ST14: variants seen among roughly 807,000 people sequenced by gnomAD.
The protein encoded by ST14 is suppressor of tumorigenicity 14 protein.
ST14 carries 40 observed loss-of-function variants against 96.5 expected under a neutral mutation model. The ratio of observed to expected loss-of-function variants is 0.41; its 90% CI spans 0.32 to 0.54. The LOEUF is 0.54. Ranked by LOEUF, ST14 falls within the 20% of genes least tolerant of loss-of-function variation. ST14 has a pLI of 0.17. For synonymous variants in ST14, 506 were observed against 492.1 expected, an observed-to-expected ratio of 1.03 and a Z score of -0.37; for missense variants, 1,066 against 1,188.9, an observed-to-expected ratio of 0.90 and a Z score of 1.52.
intron 7 of ST14, 138 bp downstream of exon 7, chr11:130,190,832 C>T (rs1483256387): frequency 1.2e-5 from 14 of 1,174,954 alleles, no homozygotes; most frequent in East Asian, 1.0e-4. Context: ...GCAGGAGGCA[C>T]GTGTGGTGTG....
At chr11:130,205,977 G>A (rs1190820660) in intron 16 of ST14, among the ~76,000 whole-genome samples, 2 of 152,092 alleles carry the variant, frequency 1.3e-5, no homozygotes, top group African/African-American at 4.8e-5. Context: ...GATTACAGGC[G>A]TGAGCCACCA....
intron 1 of ST14, among the ~76,000 whole-genome samples, chr11:130,161,887 G>A (rs1953001372): frequency 6.6e-6 from 1 of 152,196 alleles, no homozygotes; most frequent in African/African-American, 2.4e-5. Context: ...ACTAAGAGAC[G>A]AATGCCAAAG....
At chr11:130,209,371 G>C (rs1207070200) in intron 17 of ST14, 71 bp from the exon 18 acceptor site, 1 of 1,543,580 alleles carries the variant, frequency 6.5e-7, no homozygotes, top group African/African-American at 1.4e-5. Context: ...CCAATGACCC[G>C]TGGGGAGCGT....
Position 130,188,679 on chromosome 11 carries a change from T to G in ST14, c.369+22T>G. The G allele has an allele frequency of 6.2e-7, 1 of 1,613,918 alleles. No homozygotes were observed. Among genetic ancestry groups the G allele is most frequent in the Non-Finnish European group, 8.5e-7 (1 of 1,179,976 alleles). Reference sequence around the variant, plus strand: ...CGCGGTGAGTGCAGCCTGCCCAGAGTCCTGCTGGGCTGTGTGCGCTGGTGT... The same window carrying G: ...CGCGGTGAGTGCAGCCTGCCCAGAGGCCTGCTGGGCTGTGTGCGCTGGTGT... On this transcript the variant is annotated intron_variant, in intron 3 of 18. Coordinates refer to ENST00000278742, the MANE Select transcript of ST14 (RefSeq NM_021978.4). The surrounding 1 kb of genome is among the most constrained non-coding windows in gnomAD (Gnocchi z 5.4).
chr11:130,190,662 C>A lies in ST14; in HGVS notation c.843C>A (p.Thr281=). Residue 281 remains threonine, a synonymous_variant, in exon 7 of 19, where the codon ACC becomes ACA. Coordinates refer to ENST00000278742, the MANE Select transcript of ST14 (RefSeq NM_021978.4). ...GCGACCTGGTGACGGTGTACAACAC[C>A]CTGAGCCCCATGGAGCCCCACGCCC... The part of the protein sequence containing the change: ...RGSDLVTVYN[T]LSPMEPHALV... The A allele has an allele frequency of 6.2e-7, 1 of 1,601,636 alleles. No homozygotes were observed. The highest frequency in any genetic ancestry group is 1.3e-5 in the African/African-American group (1 of 74,738).
Position 130,198,991 on chromosome 11 carries a change from G to A in ST14, c.1729G>A (p.Gly577Arg), listed in dbSNP as rs115956340. 7.3e-4 allele frequency: 1,184 copies of A among 1,614,098 alleles called. 16 individuals are homozygous for A. In the African/African-American group the frequency reaches 0.014, roughly 20 times the overall value. Residue 577 changes from glycine (G) to arginine (R), a missense_variant, in exon 15 of 19, where the codon GGG becomes AGG. Physicochemically the swap from Gly to Arg is moderately radical, Grantham distance 125. Coordinates refer to ENST00000278742, the MANE Select transcript of ST14 (RefSeq NM_021978.4). ...CAAACACACCTACCGCTGCCTCAAT[G>A]GGCTCTGCTTGAGCAAGGGCAACCC... is the stretch of plus-strand genomic sequence containing the variant. ...CTKHTYRCLN[G>R]LCLSKGNPEC...
chr11:130,190,308 C>A, intron 6 of ST14, 146 bp from the exon 7 acceptor site: 1 of 1,486,598 alleles, frequency 6.7e-7, no homozygotes, highest in Non-Finnish European at 9.2e-7. Context: ...TGAGAAGCCC[C>A]CTTCCTGATT....
intron 1 of ST14, among the ~76,000 whole-genome samples, chr11:130,174,388 TC>T (rs1953118216): frequency 6.6e-6 from 1 of 152,074 alleles, no homozygotes; most frequent in South Asian, 2.1e-4. Flanking sequence ...GGAAAATTTA[TC>T]AAAAACCCAG....
rs760258734 is a variant in ST14, at chr11:130,190,503, C to T, written c.684C>T (p.Phe228=). The change falls in exon 7 of 19, where the codon TTC becomes TTT. Residue 228 remains phenylalanine, a synonymous_variant. Transcript: ENST00000278742. ...CCCGCGGTGTGGAGCTGATGCGCTT[C>T]ACCACGCCCGGCTTCCCTGACAGCC... ...LHARGVELMR[F]TTPGFPDSPY... 6.2e-7 allele frequency: 1 copy of T among 1,609,222 alleles called. No homozygotes were observed. Among genetic ancestry groups the T allele is most frequent in the Non-Finnish European group, 8.5e-7 (1 of 1,179,880 alleles).
chr11:130,194,018 C>A, intron 7 of ST14, 131 bp from the exon 8 acceptor site: 1 of 1,174,664 alleles, frequency 8.5e-7, no homozygotes, highest in Non-Finnish European at 1.3e-6. Flanking sequence ...TGACTCCATT[C>A]TTGGCCTCTG....
intron 16 of ST14, among the ~76,000 whole-genome samples, chr11:130,201,999 C>A (rs1953433876): frequency 6.6e-6 from 1 of 152,198 alleles, no homozygotes; most frequent in South Asian, 2.1e-4. Context: ...TATGTTTCCC[C>A]AGCCCAGCCC....
chr11:130,209,385 G>A, intron 17 of ST14, 57 bp from the exon 18 acceptor site: 2 of 1,551,132 alleles, frequency 1.3e-6, no homozygotes, highest in Non-Finnish European at 1.7e-6. Flanking sequence ...GGAGCGTCTC[G>A]AATGACGCTG....
intron 1 of ST14, among the ~76,000 whole-genome samples, chr11:130,166,255 C>T (rs918597967): frequency 6.6e-6 from 1 of 152,218 alleles, no homozygotes; most frequent in Non-Finnish European, 1.5e-5. Context: ...CGCCTCTTTC[C>T]CCTCCTTGCT....
intron 1 of ST14, among the ~76,000 whole-genome samples, chr11:130,169,342 G>T (rs1184285889): frequency 1.3e-5 from 2 of 152,112 alleles, no homozygotes; most frequent in Non-Finnish European, 2.9e-5. Context: ...TGATCCACCC[G>T]CCTTGGCCTT....
chr11:130,188,846 C>T lies in ST14; in HGVS notation c.370-23C>T, dbSNP rs1953265539. The T allele has an allele frequency of 1.2e-6, 2 of 1,611,454 alleles. No individual in the cohort carries two copies. The highest frequency in any genetic ancestry group is 1.1e-5 in the South Asian group (1 of 90,544). ...AGGGTCATCGCCGCATGGGGCTCAC[C>T]TTGAGTCTCTGCCCTTCCTCAGCTG... is the stretch of plus-strand genomic sequence containing the variant. On this transcript the variant is annotated intron_variant, in intron 3 of 18. Coordinates refer to ENST00000278742, the MANE Select transcript of ST14 (RefSeq NM_021978.4). The surrounding 1 kb of genome is among the most constrained non-coding windows in gnomAD (Gnocchi z 5.4).
intron 4 of ST14, 167 bp from the exon 5 acceptor site, chr11:130,189,572 T>A: frequency 1.2e-6 from 1 of 857,100 alleles, no homozygotes; most frequent in Non-Finnish European, 1.8e-6. Flanking sequence ...CAAGGCCTCT[T>A]GCTTTGGGGT....
At chr11:130,205,288 G>A (rs1033486648) in intron 16 of ST14, among the ~76,000 whole-genome samples, 4 of 152,166 alleles carry the variant, frequency 2.6e-5, no homozygotes, top group Admixed American at 6.5e-5. Context: ...CACCTTGCCC[G>A]GCTAAATTTT....
intron 1 of ST14, among the ~76,000 whole-genome samples, chr11:130,186,821 G>A (rs866324290): frequency 2.2e-4 from 33 of 152,114 alleles, no homozygotes; most frequent in South Asian, 2.1e-4. Flanking sequence ...AGATTATGGC[G>A]TTGGCATATT....
rs376181098 is a variant in ST14, at chr11:130,188,829, C to T, written c.370-40C>T. 7.0e-5 allele frequency: 112 copies of T among 1,607,138 alleles called. No homozygotes were observed. The African/African-American group carries it at 1.1e-3, about 15-fold the overall frequency. On this transcript the variant is annotated intron_variant, in intron 3 of 18. Coordinates refer to ENST00000278742, the MANE Select transcript of ST14 (RefSeq NM_021978.4). This position sits in a 1 kb window ranked among gnomAD's most constrained non-coding sequence, Gnocchi z 5.4. ...CAGCCCGGGCTTGGGGCAGGGTCAT[C>T]GCCGCATGGGGCTCACCTTGAGTCT...
Sources: allele counts gnomAD v4.1 joint callset (sites outside exome capture counted in the v4.1 genomes callset), GRCh38; gene constraint gnomAD v4.1.1; non-coding constraint Gnocchi (gnomAD v3.1); transcripts MANE v1.5; gene names NCBI Gene and HGNC (gene_info 2026-07-23, HGNC 2026-07-21).